The following BCL7A variants were observed in gnomAD, a reference collection of about 807,000 sequenced individuals.
The protein encoded by BCL7A is B-cell CLL/lymphoma 7 protein family member A.
BCL7A carries 11 observed loss-of-function variants against 28.4 expected under a neutral mutation model. The ratio of observed to expected loss-of-function variants is 0.39; its 90% CI spans 0.24 to 0.64. The LOEUF (loss-of-function observed/expected upper bound fraction) is 0.64. Among genes scored for constraint, BCL7A ranks in the 30% least tolerant of loss-of-function variants. The pLI, the probability that BCL7A is intolerant of heterozygous loss-of-function variation, is 0.50. For missense variants in BCL7A, 222 were observed against 274.8 expected (o/e 0.81, Z 1.36); for synonymous variants, 123 against 103.3 (o/e 1.19, Z -1.15).
At chr12:122,035,257 C>T (rs962257941) in intron 2 of BCL7A, 74 bp from the exon 3 acceptor site, 1 of 1,369,476 alleles carries the variant, frequency 7.3e-7, no homozygotes, top group East Asian at 2.3e-5. Context: ...TCACACCACT[C>T]CCCAGGGGCT....
At chr12:122,044,929 G>A (rs1012977117) in intron 4 of BCL7A, among the ~76,000 whole-genome samples, 7 of 152,138 alleles carry the variant, frequency 4.6e-5, no homozygotes, top group Non-Finnish European at 8.8e-5. Context: ...AAAGGGGTGG[G>A]GGGTCTTGCT....
At chr12:122,045,252 G>A (rs1422556767) in intron 4 of BCL7A, among the ~76,000 whole-genome samples, 1 of 152,166 alleles carries the variant, frequency 6.6e-6, no homozygotes, top group African/African-American at 2.4e-5. Context: ...GTGGTGGCAT[G>A]TGCCTGTAAT....
rs551579432 is a variant in BCL7A at position 122,052,881 on chromosome 12, G to C, written c.440-1924G>C. 4.6e-4 allele frequency among the ~76,000 whole-genome samples: 54 copies of C among 118,314 alleles called. 3 individuals are homozygous for C. In the East Asian group the frequency reaches 7.4e-3, roughly 16 times the overall value. 77.6% of individuals were successfully genotyped at this position (118,314 alleles called of 152,430 possible). On this transcript the variant is annotated intron_variant, in intron 4 of 5. Coordinates refer to ENST00000261822, the MANE Select transcript of BCL7A (RefSeq NM_001024808.3). ...TATTTTTTTAGTCGGGGGGGGGGGG[G>C]GGTTTGCCATGTTGGCCAGGCTGGT...
chr12:122,052,275 C>T (rs1884207616), intron 4 of BCL7A, among the ~76,000 whole-genome samples: 1 of 152,218 alleles, frequency 6.6e-6, no homozygotes, highest in South Asian at 2.1e-4. Flanking sequence ...CTCAAGCTAT[C>T]TTCCCACCTT....
In BCL7A at chr12:122,044,226, A is replaced by G. The variant is rs1311260905; in HGVS notation, c.439+173A>G. Reference sequence around the variant, plus strand: ...CGTGGGGGAATTAAAAAAATCAGACAGGCCAGGTGCAGTGGCTCATGCCTG... The same window carrying G: ...CGTGGGGGAATTAAAAAAATCAGACGGGCCAGGTGCAGTGGCTCATGCCTG... On this transcript the variant is annotated intron_variant, in intron 4 of 5. Coordinates refer to ENST00000261822, the MANE Select transcript of BCL7A (RefSeq NM_001024808.3). 1.9e-5 allele frequency: 14 copies of G among 749,844 alleles called. No individual in the cohort carries two copies. In the East Asian group the frequency reaches 4.1e-4, roughly 22 times the overall value. 46.4% of individuals were successfully genotyped at this position (749,844 alleles called of 1,614,324 possible). A position where few individuals can be genotyped will look rare whatever the true frequency, so the allele number is the denominator to read the frequency against.
At position 122,030,827 on chromosome 12, in the gene BCL7A, C is replaced by A. The variant is rs779671964; in HGVS notation, c.174+46C>A. The A allele has an allele frequency of 2.6e-5, 40 of 1,562,434 alleles. No homozygotes were observed. The Admixed American group carries it at 5.2e-4, about 20-fold the overall frequency. ...CCCTGGGGTGGGCCACCCATTCGTGCTCCTCCCACCATGGGGAGGGAGATT... is the reference window on the plus strand; with the variant it reads ...CCCTGGGGTGGGCCACCCATTCGTGATCCTCCCACCATGGGGAGGGAGATT... On this transcript the variant is annotated intron_variant, in intron 2 of 5. Transcript: ENST00000261822.
intron 4 of BCL7A, among the ~76,000 whole-genome samples, chr12:122,052,896 G>A (rs537005388): frequency 1.4e-5 from 2 of 140,188 alleles, no homozygotes; most frequent in East Asian, 4.4e-4. Context: ...TGCCATGTTG[G>A]CCAGGCTGGT....
At chr12:122,057,856 CA>C (rs1388267647) in intron 5 of BCL7A, among the ~76,000 whole-genome samples, 1 of 152,124 alleles carries the variant, frequency 6.6e-6, no homozygotes, top group Non-Finnish European at 1.5e-5. Flanking sequence ...CAGGAGTCTA[CA>C]TGGCAGAGTG....
Position 122,035,145 on chromosome 12 carries a change from C to T in BCL7A, c.175-186C>T, listed in dbSNP as rs536367284. Among the ~76,000 whole-genome samples, 131 of 152,266 alleles carry T rather than the reference C, an allele frequency of 8.6e-4. 3 individuals carry two copies. The South Asian group carries it at 0.017, about 20-fold the overall frequency. Reference sequence around the variant, plus strand: ...TGGGGCTCTCTGATTCCACAGTGGGCGAGACCCAGAGGCCAGTCCCTAATA... The same window carrying T: ...TGGGGCTCTCTGATTCCACAGTGGGTGAGACCCAGAGGCCAGTCCCTAATA... On this transcript the variant is annotated intron_variant, in intron 2 of 5. Coordinates refer to ENST00000261822, the MANE Select transcript of BCL7A (RefSeq NM_001024808.3).
In BCL7A at chr12:122,060,947, A is replaced by G. The variant is rs374110700; in HGVS notation, c.*1784A>G. On this transcript the variant is annotated 3_prime_UTR_variant, in exon 6 of 6. Transcript: ENST00000261822. ...CTTAATGTTGAAGTTAGCAATGCCGAAAGGTTTCTGTCTTAAAAAAAAAAA... is the reference window on the plus strand; with the variant it reads ...CTTAATGTTGAAGTTAGCAATGCCGGAAGGTTTCTGTCTTAAAAAAAAAAA... The G allele has an allele frequency of 5.3e-5, 12 of 226,588 alleles. No homozygotes were observed. The East Asian group carries it at 6.4e-4, about 12-fold the overall frequency. The allele number at this position is 226,588 out of a possible 1,614,324, so 14.0% of individuals were successfully genotyped here. A position where few individuals can be genotyped will look rare whatever the true frequency, so the allele number is the denominator to read the frequency against.
At chr12:122,054,505 C>T (rs1405767919) in intron 4 of BCL7A, among the ~76,000 whole-genome samples, 1 of 152,208 alleles carries the variant, frequency 6.6e-6, no homozygotes, top group Admixed American at 6.5e-5. Flanking sequence ...CCAGGGGGTG[C>T]TGGGTGCACG....
rs1312953623 is a variant in BCL7A at position 122,022,038 on chromosome 12, C to T, written c.-54C>T. On this transcript the variant is annotated 5_prime_UTR_variant, in exon 1 of 6. Coordinates refer to ENST00000261822, the MANE Select transcript of BCL7A (RefSeq NM_001024808.3). ...GGGCGCGAGTGTGGCCGCCGCGGAG[C>T]GCGAGCAGGACCCGGCGGGCGCGCT... The T allele has an allele frequency of 1.3e-5, 19 of 1,482,374 alleles. No homozygotes were observed. The South Asian group carries it at 1.8e-4, about 14-fold the overall frequency. The allele number at this position is 1,482,374 out of a possible 1,614,324, so 91.8% of individuals were successfully genotyped here.
intron 3 of BCL7A, among the ~76,000 whole-genome samples, chr12:122,039,633 C>T (rs1289772918): frequency 6.6e-6 from 1 of 150,504 alleles, no homozygotes; most frequent in Non-Finnish European, 1.5e-5. Context: ...ATGGGAGGAT[C>T]ATTTGAAGTC....
intron 1 of BCL7A, among the ~76,000 whole-genome samples, chr12:122,022,531 T>G (rs2135833272): frequency 7.3e-6 from 1 of 136,934 alleles, no homozygotes; most frequent in African/African-American, 2.6e-5. Flanking sequence ...CAGAAGCCAT[T>G]TCGTTTTGTG....
At position 122,060,237 on chromosome 12, in the gene BCL7A, G is replaced by C. The variant is rs1448922652; in HGVS notation, c.*1074G>C. 4.3e-6 allele frequency: 1 copy of C among 232,740 alleles called. No homozygotes were observed. The allele number at this position is 232,740 out of a possible 1,614,324, so 14.4% of individuals were successfully genotyped here. ...GCCTGTGCCCCGGAGAGGCAGGATCGCAGTGGTCAGAATCCACGTGCTTTC... is the reference window on the plus strand; with the variant it reads ...GCCTGTGCCCCGGAGAGGCAGGATCCCAGTGGTCAGAATCCACGTGCTTTC... On this transcript the variant is annotated 3_prime_UTR_variant, in exon 6 of 6. Coordinates refer to ENST00000261822, the MANE Select transcript of BCL7A (RefSeq NM_001024808.3).
chr12:122,025,334 G>GA (rs1167857115), intron 1 of BCL7A, among the ~76,000 whole-genome samples: 6 of 150,930 alleles, frequency 4.0e-5, no homozygotes, highest in Admixed American at 3.3e-4. Flanking sequence ...AAAAGAAAAA[G>GA]AAAAAAAAGA....
chr12:122,045,085 G>T (rs1469143416), intron 4 of BCL7A, among the ~76,000 whole-genome samples: 1 of 151,910 alleles, frequency 6.6e-6, no homozygotes, highest in Non-Finnish European at 1.5e-5. Context: ...TGAGGAGCTG[G>T]AAAATAAGAT....
intron 1 of BCL7A, among the ~76,000 whole-genome samples, chr12:122,024,512 C>T (rs2135836383): frequency 6.6e-6 from 1 of 150,546 alleles, no homozygotes; most frequent in East Asian, 2.0e-4. Context: ...GACTTATTGC[C>T]CAGGTTTCTC....
At chr12:122,039,060 G>T (rs1883913023) in intron 3 of BCL7A, among the ~76,000 whole-genome samples, 1 of 151,960 alleles carries the variant, frequency 6.6e-6, no homozygotes, top group African/African-American at 2.4e-5. Context: ...ATTCTGGGAG[G>T]CCAAGGCGGG....
Sources: allele counts gnomAD v4.1 joint callset (sites outside exome capture counted in the v4.1 genomes callset), GRCh38; gene constraint gnomAD v4.1.1; transcripts MANE v1.5; gene names NCBI Gene and HGNC (gene_info 2026-07-23, HGNC 2026-07-21).